The following FREM2 variants were observed in gnomAD, a reference collection of about 807,000 sequenced individuals.
The protein encoded by FREM2 is FRAS1 related extracellular matrix 2, also known as FRAS1-related extracellular matrix protein 2.
FREM2 carries 119 observed loss-of-function variants against 219.9 expected under a neutral mutation model. That is an observed-to-expected ratio of 0.54 (90% confidence interval 0.47 to 0.63). The LOEUF is 0.63. Among genes scored for constraint, FREM2 ranks in the 30% least tolerant of loss-of-function variants. The pLI is 0.00. For missense variants in FREM2, 4,030 were observed against 3,993.6 expected (o/e 1.01, Z -0.25); for synonymous variants, 1,562 against 1,522.8 (o/e 1.03, Z -0.60).
rs183836028 is a variant in FREM2 at position 38,762,792 on chromosome 13, C to T, written c.5264-1512C>T. Among the ~76,000 whole-genome samples the T allele has an allele frequency of 2.7e-4, 41 of 152,242 alleles. No homozygotes were observed. In the East Asian group the frequency reaches 7.5e-3, roughly 28 times the overall value. On this transcript the variant is annotated intron_variant, in intron 2 of 23. Coordinates refer to ENST00000280481, the MANE Select transcript of FREM2 (RefSeq NM_207361.6). ...AACTAAAAATAGGAAAGTCCATAAT[C>T]CCATCATTTAAAACACCAAGCAGCT...
chr13:38,756,425 A>G (rs1873001155), intron 2 of FREM2, among the ~76,000 whole-genome samples: 2 of 152,146 alleles, frequency 1.3e-5, no homozygotes, highest in South Asian at 4.1e-4. Context: ...CACAGTCTGA[A>G]CAAAACTTAT....
At chr13:38,810,954 T>C (rs950967272) in intron 6 of FREM2, among the ~76,000 whole-genome samples, 4 of 152,078 alleles carry the variant, frequency 2.6e-5, no homozygotes. Flanking sequence ...TTTTCTTTAC[T>C]GGAAAACTTT....
chr13:38,841,666 G>A (rs1347213226), intron 6 of FREM2, among the ~76,000 whole-genome samples: 1 of 152,050 alleles, frequency 6.6e-6, no homozygotes, highest in Non-Finnish European at 1.5e-5. Flanking sequence ...TCCTTTTACT[G>A]CAAAGAAAAT....
At chr13:38,791,659 A>T (rs1874567151) in intron 6 of FREM2, among the ~76,000 whole-genome samples, 1 of 152,156 alleles carries the variant, frequency 6.6e-6, no homozygotes. Flanking sequence ...CACTATCACA[A>T]GAACAGTATA....
chr13:38,878,754 C>G (rs944776716), intron 22 of FREM2, 77 bp from the exon 23 acceptor site: 1 of 1,396,364 alleles, frequency 7.2e-7, no homozygotes, highest in Non-Finnish European at 1.0e-6. Context: ...TTGCACAAAA[C>G]AAATAGAGAA....
chr13:38,687,827 A>G lies in FREM2; in HGVS notation c.483A>G (p.Gly161=). The change falls in exon 1 of 24, where the codon GGA becomes GGG. Residue 161 remains glycine, a synonymous_variant. Transcript: ENST00000280481. ...VRLQLRYDAP[G]GAVVLPLVLE... ...TGCAGCTGCGCTATGACGCGCCCGGAGGGGCAGTAGTGCTACCACTGGTAC... is the reference window on the plus strand; with the variant it reads ...TGCAGCTGCGCTATGACGCGCCCGGGGGGGCAGTAGTGCTACCACTGGTAC... The G allele has an allele frequency of 1.3e-6, 2 of 1,543,504 alleles. No individual in the cohort carries two copies. Among genetic ancestry groups the G allele is most frequent in the Non-Finnish European group, 1.8e-6 (2 of 1,140,302 alleles).
At position 38,784,682 on chromosome 13, in the gene FREM2, A is replaced by G; in HGVS notation, c.5893A>G (p.Ile1965Val). Residue 1965 changes from isoleucine to valine, a missense_variant, in exon 6 of 24, where the codon ATA becomes GTA. Coordinates refer to ENST00000280481, the MANE Select transcript of FREM2 (RefSeq NM_207361.6). Reference protein sequence around the residue: ...DEREKLCRIVIIDDSLYEEEE... With the variant: ...DEREKLCRIVVIDDSLYEEEE... ...ACGGGAGAAACTGTGTCGGATAGTC[A>G]TAATTGATGACTCTTTGTACGAGGA... 1.2e-6 allele frequency: 2 copies of G among 1,614,188 alleles called. No individual in the cohort carries two copies. The highest frequency in any genetic ancestry group is 1.3e-5 in the African/African-American group (1 of 75,060).
At chr13:38,796,558 A>C (rs1874792997) in intron 6 of FREM2, among the ~76,000 whole-genome samples, 1 of 152,088 alleles carries the variant, frequency 6.6e-6, no homozygotes, top group Non-Finnish European at 1.5e-5. Flanking sequence ...CCCCTACAAA[A>C]TGACTATGGT....
chr13:38,864,567 C>T lies in FREM2; in HGVS notation c.7944C>T (p.Leu2648=). 6.2e-7 allele frequency: 1 copy of T among 1,614,172 alleles called. No individual in the cohort carries two copies. The highest frequency in any genetic ancestry group is 8.5e-7 in the Non-Finnish European group (1 of 1,180,014). Residue 2648 remains leucine, a synonymous_variant, in exon 16 of 24, where the codon CTC becomes CTT. Coordinates refer to ENST00000280481, the MANE Select transcript of FREM2 (RefSeq NM_207361.6). The stretch of plus-strand genomic sequence containing the variant: ...TTAGCTACTATGACATGTCAGAACT[C>T]CTTGCTGACTGTGGTGGCACCATTG... ...EFVSYYDMSE[L]LADCGGTIGT...
chr13:38,859,925 A>T (rs1877702687), intron 14 of FREM2, among the ~76,000 whole-genome samples: 1 of 152,158 alleles, frequency 6.6e-6, no homozygotes, highest in Admixed American at 6.5e-5. Context: ...GGTAGAAGTG[A>T]TTAGTTTTAC....
Position 38,881,011 on chromosome 13 carries a change from G to A in FREM2, c.*224G>A, listed in dbSNP as rs575095989. ...CTCTTGCCCCAAAGGCAGCAACAAC[G>A]TACTCATATGTACACAGAGCCATGA... On this transcript the variant is annotated 3_prime_UTR_variant, in exon 24 of 24. Coordinates refer to ENST00000280481, the MANE Select transcript of FREM2 (RefSeq NM_207361.6). 130 of 603,892 alleles carry A rather than the reference G, an allele frequency of 2.2e-4. No individual in the cohort carries two copies. The highest frequency in any genetic ancestry group is 3.3e-4 in the Non-Finnish European group (110 of 335,114). The allele number at this position is 603,892 out of a possible 1,614,324, so 37.4% of individuals were successfully genotyped here.
intron 6 of FREM2, among the ~76,000 whole-genome samples, chr13:38,822,347 C>CTTTTTTTTTTT (rs951562767): frequency 1.0e-5 from 1 of 100,032 alleles, no homozygotes; most frequent in African/African-American, 3.1e-5. Context: ...TTCTTTCTTT[C>CTTTTTTTTTTT]TTTTTTTTTT....
Position 38,784,607 on chromosome 13 carries a change from A to G in FREM2, c.5818A>G (p.Ile1940Val). 2.5e-6 allele frequency: 4 copies of G among 1,614,218 alleles called. No individual in the cohort carries two copies. Among genetic ancestry groups the G allele is most frequent in the Non-Finnish European group, 3.4e-6 (4 of 1,180,022 alleles). The change falls in exon 6 of 24, where the codon ATA becomes GTA. Residue 1940 changes from isoleucine to valine, a missense_variant. Physicochemically the swap from Ile to Val is conservative, Grantham distance 29. Coordinates refer to ENST00000280481, the MANE Select transcript of FREM2 (RefSeq NM_207361.6). Reference sequence around the variant, plus strand: ...TTCCGTGTTGTCTTACTCTGATTACATATCCAGGCCTGAGGACCACACCAG... The same window carrying G: ...TTCCGTGTTGTCTTACTCTGATTACGTATCCAGGCCTGAGGACCACACCAG... ...PTSVLSYSDYISRPEDHTSVV... is the reference protein window; with the variant it reads ...PTSVLSYSDYVSRPEDHTSVV...
At position 38,697,709 on chromosome 13, in the gene FREM2, G is replaced by A. The variant is rs772551338; in HGVS notation, c.5185G>A (p.Asp1729Asn). ...ITQFTQADIDDMKICYVLREG... is the reference protein window; with the variant it reads ...ITQFTQADIDNMKICYVLREG... The stretch of plus-strand genomic sequence containing the variant: ...TGGTTATTTTCTAGCTGACATTGAT[G>A]ACATGAAAATATGCTATGTCTTAAG... Residue 1729 changes from aspartate to asparagine, a missense_variant, in exon 2 of 24, where the codon GAC becomes AAC. Physicochemically the swap from Asp to Asn is conservative, Grantham distance 23. Transcript: ENST00000280481. 8.8e-6 allele frequency: 14 copies of A among 1,590,312 alleles called. No individual in the cohort carries two copies. In the East Asian group the frequency reaches 2.9e-4, roughly 33 times the overall value.
chr13:38,820,202 A>G (rs535332908), intron 6 of FREM2, among the ~76,000 whole-genome samples: 85 of 152,222 alleles, frequency 5.6e-4, no homozygotes, highest in Non-Finnish European at 1.1e-3. Context: ...TCATCTAGCA[A>G]ATGACCCGGT....
At position 38,731,666 on chromosome 13, in the gene FREM2, G is replaced by A. The variant is rs112486589; in HGVS notation, c.5264-32638G>A. Among the ~76,000 whole-genome samples, 516 of 152,214 alleles carry A rather than the reference G, an allele frequency of 3.4e-3. 2 individuals carry two copies. Among genetic ancestry groups the A allele is most frequent in the African/African-American group, 0.011 (474 of 41,526 alleles). On this transcript the variant is annotated intron_variant, in intron 2 of 23. Coordinates refer to ENST00000280481, the MANE Select transcript of FREM2 (RefSeq NM_207361.6). The stretch of plus-strand genomic sequence containing the variant: ...AATCACAGATCATTATTAGTATTGC[G>A]TTCAAGATGCTGCACTTGGCAACTT...
chr13:38,689,606 G>A lies in FREM2; in HGVS notation c.2262G>A (p.Leu754=). Residue 754 remains leucine, a synonymous_variant, in exon 1 of 24, where the codon CTG becomes CTA. Coordinates refer to ENST00000280481, the MANE Select transcript of FREM2 (RefSeq NM_207361.6). The part of the protein sequence containing the change: ...QPPTDTDENH[L]PAPLGTLVLT... ...CCACAGACACAGACGAAAATCACCT[G>A]CCAGCCCCACTGGGTACCTTGGTCT... The A allele has an allele frequency of 2.5e-6, 4 of 1,613,446 alleles. No homozygotes were observed. The highest frequency in any genetic ancestry group is 1.7e-4 in the Middle Eastern group (1 of 6,060).
In FREM2 at chr13:38,876,166, CT is replaced by C; in HGVS notation, c.8409+19del. On this transcript the variant is annotated intron_variant, in intron 19 of 23. Transcript: ENST00000280481. ...GACTTTGCCGTAAGTGACTAAGACT[CT>C]TAATTAATTTTCTTCTGCTGCTGCC... 1 of 1,614,070 alleles carries C rather than the reference CT, an allele frequency of 6.2e-7. No individual in the cohort carries two copies. The highest frequency in any genetic ancestry group is 8.5e-7 in the Non-Finnish European group (1 of 1,180,020).
chr13:38,866,195 G>C (rs9566370), intron 16 of FREM2, among the ~76,000 whole-genome samples: 35,619 of 151,974 alleles, frequency 0.23, 4,994 homozygotes, highest in African/African-American at 0.39. Context: ...CTCATTCCTT[G>C]TTAAAATCGT....
Sources: allele counts gnomAD v4.1 joint callset (sites outside exome capture counted in the v4.1 genomes callset), GRCh38; gene constraint gnomAD v4.1.1; transcripts MANE v1.5; gene names NCBI Gene and HGNC (gene_info 2026-07-23, HGNC 2026-07-21).